SPIN1: variants seen among roughly 807,000 people sequenced by gnomAD.
SPIN1 encodes the protein spindlin 1, also known as spindlin-1.
Under a neutral mutation model 26.0 loss-of-function variants are expected in SPIN1, and 3 were observed. The observed-to-expected ratio is 0.12, with a 90% CI of 0.05 to 0.30. The LOEUF is 0.30. Among genes scored for constraint, SPIN1 ranks in the 10% least tolerant of loss-of-function variants. The pLI is 1.00. For missense variants in SPIN1, 126 were observed against 333.4 expected (o/e 0.38, Z 4.84); for synonymous variants, 101 against 116.5 (o/e 0.87, Z 0.86).
At chr9:88,455,228 G>A (rs939757650) in intron 3 of SPIN1, among the ~76,000 whole-genome samples, 1 of 152,214 alleles carries the variant, frequency 6.6e-6, no homozygotes, top group Admixed American at 6.5e-5. Flanking sequence ...ACTTCAGGAG[G>A]CCAAGGCTGG....
intron 2 of SPIN1, among the ~76,000 whole-genome samples, chr9:88,439,588 G>A (rs1656389492): frequency 6.6e-6 from 1 of 152,120 alleles, no homozygotes; most frequent in African/African-American, 2.4e-5. Context: ...ACAGATACTC[G>A]ACCTTCAGTG....
chr9:88,456,844 A>G (rs1828482176), intron 3 of SPIN1, among the ~76,000 whole-genome samples: 1 of 152,214 alleles, frequency 6.6e-6, no homozygotes, highest in Non-Finnish European at 1.5e-5. Flanking sequence ...AGGAGACTTG[A>G]TCCTAAAGAG....
At chr9:88,411,812 G>A (rs1316125758) in intron 1 of SPIN1, among the ~76,000 whole-genome samples, 1 of 152,044 alleles carries the variant, frequency 6.6e-6, no homozygotes, top group African/African-American at 2.4e-5. Flanking sequence ...ACTGTGCCTG[G>A]CCTATTTTCA....
chr9:88,461,635 G>A (rs1828578029), intron 3 of SPIN1, among the ~76,000 whole-genome samples: 1 of 152,148 alleles, frequency 6.6e-6, no homozygotes, highest in South Asian at 2.1e-4. Context: ...CCATAAAACT[G>A]TGGGAAGGGA....
Position 88,408,378 on chromosome 9 carries a change from T to C in SPIN1, c.-158-18004T>C, listed in dbSNP as rs530010227. 1.0e-4 allele frequency among the ~76,000 whole-genome samples: 8 copies of C among 76,634 alleles called. No homozygotes were observed. The South Asian group carries it at 3.2e-3, about 30-fold the overall frequency. The allele number at this position is 76,634 out of a possible 152,430, so 50.3% of individuals were successfully genotyped here. A position where few individuals can be genotyped will look rare whatever the true frequency, so the allele number is the denominator to read the frequency against. ...TTGGTTTTTCTTTTCCTTTTTTTCT[T>C]TTTTTTTTTTTTTTTTTGAGACGGA... On this transcript the variant is annotated intron_variant, in intron 1 of 5. Transcript: ENST00000375859.
intron 5 of SPIN1, among the ~76,000 whole-genome samples, chr9:88,471,004 C>T (rs151271723): frequency 5.6e-4 from 86 of 152,286 alleles, no homozygotes; most frequent in African/African-American, 2.0e-3. Context: ...TTTTTAAATA[C>T]AAGACCTTTA....
chr9:88,431,944 G>A (rs1188894754), intron 2 of SPIN1, among the ~76,000 whole-genome samples: 1 of 152,130 alleles, frequency 6.6e-6, no homozygotes, highest in Non-Finnish European at 1.5e-5. Context: ...AGGAACCTGA[G>A]GTGGGAGGAT....
intron 3 of SPIN1, among the ~76,000 whole-genome samples, chr9:88,453,092 A>C (rs1053601552): frequency 6.6e-6 from 1 of 152,178 alleles, no homozygotes; most frequent in East Asian, 1.9e-4. Flanking sequence ...CTAGGTAAAA[A>C]GATGAAAGGT....
At chr9:88,406,395 A>G (rs994923974) in intron 1 of SPIN1, among the ~76,000 whole-genome samples, 5 of 149,772 alleles carry the variant, frequency 3.3e-5, no homozygotes, top group Non-Finnish European at 7.4e-5. Context: ...GGTTCACACC[A>G]TTCTCCTGCC....
In SPIN1 at chr9:88,405,536, CTT is replaced by C. The variant is rs757565862; in HGVS notation, c.-159+17017_-159+17018del. On this transcript the variant is annotated intron_variant, in intron 1 of 5. Transcript: ENST00000375859. ...GCCACAGTGCCTGGCCTGTACTATCCTTTTTTTTTTTTTTTTTTTTCCCTGAG... is the reference window on the plus strand; with the variant it reads ...GCCACAGTGCCTGGCCTGTACTATCCTTTTTTTTTTTTTTTTTTCCCTGAG... Among the ~76,000 whole-genome samples, 306 of 110,712 alleles carry C rather than the reference CTT, an allele frequency of 2.8e-3. 1 individual carries two copies. Among genetic ancestry groups the C allele is most frequent in the African/African-American group, 0.011 (271 of 24,506 alleles). 72.6% of individuals were successfully genotyped at this position (110,712 alleles called of 152,430 possible).
intron 2 of SPIN1, among the ~76,000 whole-genome samples, chr9:88,440,582 CT>C (rs375633025): frequency 1.5e-4 from 23 of 149,546 alleles, no homozygotes; most frequent in African/African-American, 3.9e-4. Flanking sequence ...CCTTTCTACC[CT>C]TTTTTTTTTC....
chr9:88,441,509 G>C (rs1828129318), intron 2 of SPIN1, among the ~76,000 whole-genome samples: 1 of 150,832 alleles, frequency 6.6e-6, no homozygotes, highest in South Asian at 2.1e-4. Flanking sequence ...TATCATCCCA[G>C]CATTTTGGTA....
chr9:88,465,339 A>G (rs1209036286), intron 4 of SPIN1, among the ~76,000 whole-genome samples: 2 of 152,182 alleles, frequency 1.3e-5, no homozygotes, highest in African/African-American at 4.8e-5. Context: ...TAATTTTAGT[A>G]TCGTAATTCT....
At chr9:88,472,908 C>T (rs1325543077) in intron 5 of SPIN1, among the ~76,000 whole-genome samples, 3 of 152,200 alleles carry the variant, frequency 2.0e-5, no homozygotes, top group African/African-American at 7.2e-5. Flanking sequence ...TTAAAAACTA[C>T]TCAGTGGCCT....
chr9:88,473,705 C>T (rs1438479303), intron 5 of SPIN1, among the ~76,000 whole-genome samples: 2 of 151,844 alleles, frequency 1.3e-5, no homozygotes, highest in African/African-American at 4.9e-5. Context: ...AGTGGTGATG[C>T]TCTGATCTAA....
chr9:88,407,918 A>G (rs1162026077), intron 1 of SPIN1, among the ~76,000 whole-genome samples: 1 of 151,386 alleles, frequency 6.6e-6, no homozygotes, highest in Non-Finnish European at 1.5e-5. Flanking sequence ...GAGCCACCCC[A>G]TGCTTGGCTA....
chr9:88,405,260 G>T (rs190334001), intron 1 of SPIN1, among the ~76,000 whole-genome samples: 5 of 151,954 alleles, frequency 3.3e-5, no homozygotes, highest in East Asian at 1.9e-4. Context: ...ACAGGGTCTC[G>T]CTCTGTCTCC....
intron 3 of SPIN1, among the ~76,000 whole-genome samples, chr9:88,452,734 C>T (rs1437704755): frequency 6.6e-6 from 1 of 152,148 alleles, no homozygotes; most frequent in Non-Finnish European, 1.5e-5. Context: ...CAGTACTTGG[C>T]ATGGAACTTT....
At chr9:88,390,343 T>G (rs2119020615) in intron 1 of SPIN1, among the ~76,000 whole-genome samples, 1 of 152,344 alleles carries the variant, frequency 6.6e-6, no homozygotes, top group South Asian at 2.1e-4. Flanking sequence ...GCCTGATGTG[T>G]GCCCCTCTGC....
Sources: allele counts gnomAD v4.1 joint callset (sites outside exome capture counted in the v4.1 genomes callset), GRCh38; gene constraint gnomAD v4.1.1; transcripts MANE v1.5; gene names NCBI Gene and HGNC (gene_info 2026-07-23, HGNC 2026-07-21).